The following CFAP77 variants were observed in gnomAD, a reference collection of about 807,000 sequenced individuals.
CFAP77 encodes the protein cilia and flagella associated protein 77, also known as cilia- and flagella-associated protein 77.
In CFAP77, 25 loss-of-function variants were observed where a neutral mutation model predicts 31.1. That is an observed-to-expected ratio of 0.80 (90% CI 0.59 to 1.12). The LOEUF (loss-of-function observed/expected upper bound fraction) is 1.12, where lower values mean the gene tolerates loss of function less well. Among genes scored for constraint, CFAP77 ranks in the 50% most tolerant of loss-of-function variants. The pLI, the probability that CFAP77 is intolerant of heterozygous loss-of-function variation, is 0.00. For missense variants in CFAP77, 377 were observed against 397.3 expected, an observed-to-expected ratio of 0.95 and a Z score of 0.44; for synonymous variants, 151 against 159.9, an observed-to-expected ratio of 0.94 and a Z score of 0.42.
chr9:132,486,383 C>T (rs1384034068), intron 1 of CFAP77, among the ~76,000 whole-genome samples: 1 of 151,920 alleles, frequency 6.6e-6, no homozygotes, highest in Non-Finnish European at 1.5e-5. Context: ...TGAGCCACCG[C>T]GCCCGGCCCA....
At position 132,505,834 on chromosome 9, in the gene CFAP77, G is replaced by A. The variant is rs527375724; in HGVS notation, c.524+6234G>A. Among the ~76,000 whole-genome samples the A allele has an allele frequency of 1.1e-4, 16 of 152,212 alleles. No individual in the cohort carries two copies. In the East Asian group the frequency reaches 2.5e-3, roughly 24 times the overall value. On this transcript the variant is annotated intron_variant, in intron 3 of 5. Coordinates refer to ENST00000393216, the MANE Select transcript of CFAP77 (RefSeq NM_001282957.2). ...TTACCTGCCTAGTCCAGGTAGGCAC[G>A]GAGTTTGGAACCCCTGGTGTAGACG... is the stretch of plus-strand genomic sequence containing the variant.
chr9:132,505,592 G>GA (rs1329677675), intron 3 of CFAP77, among the ~76,000 whole-genome samples: 7 of 148,054 alleles, frequency 4.7e-5, no homozygotes, highest in African/African-American at 1.5e-4. Context: ...AGTAATTAAA[G>GA]GAAAAAAAAA....
At chr9:132,510,404 C>T (rs1480385110) in intron 3 of CFAP77, among the ~76,000 whole-genome samples, 2 of 152,226 alleles carry the variant, frequency 1.3e-5, no homozygotes, top group Non-Finnish European at 2.9e-5. Flanking sequence ...TCTACAGCCT[C>T]CAGCTCACAA....
At chr9:132,452,022 T>G (rs1589858140) in intron 1 of CFAP77, among the ~76,000 whole-genome samples, 1 of 152,100 alleles carries the variant, frequency 6.6e-6, no homozygotes, top group East Asian at 1.9e-4. Context: ...CAGGGTGGTC[T>G]CGATCTCCTT....
At chr9:132,458,348 A>AGGGG (rs538139245) in intron 1 of CFAP77, among the ~76,000 whole-genome samples, 8 of 103,766 alleles carry the variant, frequency 7.7e-5, no homozygotes, top group South Asian at 3.4e-4. Context: ...CTGGCGGGGG[A>AGGGG]GGGGGGGGGG....
chr9:132,413,270 G>T (rs1850039710), intron 1 of CFAP77, among the ~76,000 whole-genome samples: 1 of 152,136 alleles, frequency 6.6e-6, no homozygotes, highest in African/African-American at 2.4e-5. Context: ...TCTGCAAGTT[G>T]CCACCATAAC....
At chr9:132,507,984 C>T (rs1851963259) in intron 3 of CFAP77, among the ~76,000 whole-genome samples, 1 of 152,230 alleles carries the variant, frequency 6.6e-6, no homozygotes, top group African/African-American at 2.4e-5. Flanking sequence ...TACTCCTCTG[C>T]TGTATGTCAG....
chr9:132,469,082 AC>A (rs1195940009), intron 1 of CFAP77, among the ~76,000 whole-genome samples: 1 of 151,126 alleles, frequency 6.6e-6, no homozygotes, highest in Admixed American at 6.6e-5. Context: ...CTAAGAAGAA[AC>A]AAAAAAGGCA....
In CFAP77 at chr9:132,503,292, G is replaced by A. The variant is rs541672835; in HGVS notation, c.524+3692G>A. Among the ~76,000 whole-genome samples, 6 of 152,276 alleles carry A rather than the reference G, an allele frequency of 3.9e-5. No individual in the cohort carries two copies. The East Asian group carries it at 5.8e-4, about 15-fold the overall frequency. ...ATGTGCCCTCCCTTGCCCTGTTCTCGCAGGCTGCCTGGGGCAGAGAGGAGC... is the reference window on the plus strand; with the variant it reads ...ATGTGCCCTCCCTTGCCCTGTTCTCACAGGCTGCCTGGGGCAGAGAGGAGC... On this transcript the variant is annotated intron_variant, in intron 3 of 5. Transcript: ENST00000393216.
intron 1 of CFAP77, among the ~76,000 whole-genome samples, chr9:132,477,519 G>A (rs762645225): frequency 4.7e-4 from 71 of 152,340 alleles, no homozygotes; most frequent in South Asian, 1.7e-3. Flanking sequence ...GTTCCCAGTG[G>A]GAGGTCGGGT....
At chr9:132,420,131 A>G (rs967174169) in intron 1 of CFAP77, among the ~76,000 whole-genome samples, 10 of 148,198 alleles carry the variant, frequency 6.7e-5, no homozygotes, top group Non-Finnish European at 1.5e-4. Flanking sequence ...ACTGCACTCT[A>G]GCCTGGGTGA....
intron 1 of CFAP77, among the ~76,000 whole-genome samples, chr9:132,483,565 T>C (rs965500528): frequency 6.6e-6 from 1 of 152,106 alleles, no homozygotes; most frequent in African/African-American, 2.4e-5. Flanking sequence ...ACCACAGCCT[T>C]TCAACAGTGA....
rs999907958 is a variant in CFAP77, at chr9:132,570,506, C to T, written c.733-1882C>T. 2.0e-5 allele frequency among the ~76,000 whole-genome samples: 3 copies of T among 152,228 alleles called. No homozygotes were observed. In the East Asian group the frequency reaches 5.8e-4, roughly 29 times the overall value. ...TGAGGCTGGACAGCTCTGAGAAATG[C>T]TGCCATGGAGGGTCCCTAGAGGGAC... On this transcript the variant is annotated intron_variant, in intron 5 of 5. Coordinates refer to ENST00000393216, the MANE Select transcript of CFAP77 (RefSeq NM_001282957.2).
At chr9:132,529,522 A>AC (rs1852398848) in intron 3 of CFAP77, among the ~76,000 whole-genome samples, 1 of 129,766 alleles carries the variant, frequency 7.7e-6, no homozygotes, top group Admixed American at 7.3e-5. Flanking sequence ...AAAAAAAACA[A>AC]AAAAAAAACT....
At chr9:132,444,967 T>C (rs754485022) in intron 1 of CFAP77, among the ~76,000 whole-genome samples, 26 of 147,096 alleles carry the variant, frequency 1.8e-4, no homozygotes, top group Non-Finnish European at 3.3e-4. Context: ...TCCTATTTTC[T>C]TTCTTTCTTT....
At chr9:132,427,366 C>T (rs1462738416) in intron 1 of CFAP77, among the ~76,000 whole-genome samples, 2 of 152,228 alleles carry the variant, frequency 1.3e-5, no homozygotes, top group African/African-American at 4.8e-5. Flanking sequence ...TCCTATGTCC[C>T]ACCCACTCCA....
chr9:132,552,252 C>T lies in CFAP77; in HGVS notation c.732+9205C>T, dbSNP rs891148554. Among the ~76,000 whole-genome samples, 11 of 152,188 alleles carry T rather than the reference C, an allele frequency of 7.2e-5. No homozygotes were observed. Among genetic ancestry groups the T allele is most frequent in the East Asian group, 5.8e-4 (3 of 5,192 alleles). On this transcript the variant is annotated intron_variant, in intron 5 of 5. Transcript: ENST00000393216. This position sits in a 1 kb window ranked among gnomAD's most constrained non-coding sequence, Gnocchi z 5.5. ...ACAGAGAGGACCAAGTGCAATCATG[C>T]GTGTGAAGCGCGTGGCACAGGCCTG...
At chr9:132,529,507 T>TAAAAAAAAACAAAAAAAAC (rs1554748116) in intron 3 of CFAP77, among the ~76,000 whole-genome samples, 5 of 108,838 alleles carry the variant, frequency 4.6e-5, no homozygotes, top group African/African-American at 1.7e-4. Context: ...TAGAGTATAA[T>TAAAAAAAAACAAAAAAAAC]AAAAAAAAAA....
intron 3 of CFAP77, among the ~76,000 whole-genome samples, chr9:132,537,372 G>A (rs913009945): frequency 6.6e-6 from 1 of 152,100 alleles, no homozygotes; most frequent in African/African-American, 2.4e-5. Flanking sequence ...GACCTCTAAC[G>A]TCTGGTCAAG....
Sources: gnomAD v4.1 joint callset for allele counts (sites outside exome capture counted in the v4.1 genomes callset) on GRCh38, gnomAD v4.1.1 for gene constraint, Gnocchi (gnomAD v3.1) non-coding constraint, MANE v1.5 for transcripts, NCBI Gene and HGNC (gene_info 2026-07-23, HGNC 2026-07-21) for gene names.